NEK11: variants seen among roughly 807,000 people sequenced by gnomAD.
NEK11 encodes the protein serine/threonine-protein kinase Nek11.
A neutral mutation model predicts 80.7 loss-of-function variants in NEK11; 72 were observed. That is an observed-to-expected ratio of 0.89 (90% CI 0.74 to 1.08). NEK11 has a LOEUF of 1.08. NEK11 is among the 50% of genes least tolerant of loss of function. NEK11 has a pLI of 0.00. For synonymous variants in NEK11, 251 were observed against 260.7 expected, an observed-to-expected ratio of 0.96 and a Z score of 0.36; for missense variants, 764 against 763.6, an observed-to-expected ratio of 1.00 and a Z score of -0.01.
intron 16 of NEK11, among the ~76,000 whole-genome samples, chr3:131,247,041 G>T (rs1561183098): frequency 6.6e-6 from 1 of 152,042 alleles, no homozygotes; most frequent in East Asian, 1.9e-4. Context: ...TGTATAGATT[G>T]TAAAGGTTTT....
intron 14 of NEK11, among the ~76,000 whole-genome samples, chr3:131,199,859 CAG>C (rs1203403742): frequency 6.6e-6 from 1 of 151,936 alleles, no homozygotes; most frequent in Non-Finnish European, 1.5e-5. Context: ...AGAGTAAAAA[CAG>C]GGAATTACAG....
intron 15 of NEK11, among the ~76,000 whole-genome samples, chr3:131,234,872 A>C (rs1454348135): frequency 6.6e-6 from 1 of 151,226 alleles, no homozygotes; most frequent in Non-Finnish European, 1.5e-5. Flanking sequence ...CAGGGGGTAC[A>C]TGCGTGAGTT....
At chr3:131,142,693 C>G (rs1184362986) in intron 7 of NEK11, among the ~76,000 whole-genome samples, 1 of 152,172 alleles carries the variant, frequency 6.6e-6, no homozygotes, top group East Asian at 1.9e-4. Flanking sequence ...TAACTGTGAC[C>G]TTAAGAATAG....
chr3:131,182,322 T>G (rs1312300428), intron 14 of NEK11, among the ~76,000 whole-genome samples: 1 of 152,184 alleles, frequency 6.6e-6, no homozygotes, highest in Non-Finnish European at 1.5e-5. Flanking sequence ...GATCGTTGCA[T>G]TTCATAATAG....
chr3:131,296,788 G>T (rs753979476), intron 17 of NEK11, among the ~76,000 whole-genome samples: 102 of 152,048 alleles, frequency 6.7e-4, no homozygotes, highest in Admixed American at 4.1e-3. Context: ...ATTAGGTATA[G>T]CTCCTAATGC....
chr3:131,113,846 G>T (rs537777718), intron 5 of NEK11, among the ~76,000 whole-genome samples: 12 of 150,734 alleles, frequency 8.0e-5, no homozygotes, highest in Admixed American at 4.6e-4. Context: ...GGGAGGTGGA[G>T]GTTGCAGTGA....
chr3:131,285,850 G>A (rs2096463906), intron 17 of NEK11, among the ~76,000 whole-genome samples: 1 of 152,176 alleles, frequency 6.6e-6, no homozygotes, highest in Non-Finnish European at 1.5e-5. Flanking sequence ...CAGTAATGAT[G>A]GGAAGCATCA....
At chr3:131,172,520 T>C (rs2092755898) in intron 14 of NEK11, among the ~76,000 whole-genome samples, 1 of 152,230 alleles carries the variant, frequency 6.6e-6, no homozygotes, top group South Asian at 2.1e-4. Flanking sequence ...ATGGAAGCCA[T>C]CTTGTAACAG....
At chr3:131,287,036 G>A (rs888397661) in intron 17 of NEK11, among the ~76,000 whole-genome samples, 12 of 152,140 alleles carry the variant, frequency 7.9e-5, no homozygotes, top group African/African-American at 2.9e-4. Flanking sequence ...GAATATTAGA[G>A]CCCTAGTATT....
intron 14 of NEK11, among the ~76,000 whole-genome samples, chr3:131,224,531 C>T (rs945604806): frequency 1.3e-5 from 2 of 152,072 alleles, no homozygotes; most frequent in African/African-American, 4.8e-5. Context: ...GCCTGGCTTG[C>T]TATACTTTTT....
chr3:131,263,528 T>G (rs2095976457), intron 16 of NEK11, among the ~76,000 whole-genome samples: 2 of 152,148 alleles, frequency 1.3e-5, no homozygotes, highest in African/African-American at 4.8e-5. Context: ...TCTTTTGGCT[T>G]AGGATTGTCT....
chr3:131,027,659 G>A (rs912385572), intron 1 of NEK11: 1 of 152,060 alleles, frequency 6.6e-6, no homozygotes, highest in Non-Finnish European at 1.5e-5. Context: ...TGAACAGATA[G>A]TTCTAGAATC....
intron 3 of NEK11, chr3:131,053,283 G>A (rs913057453): frequency 1.3e-5 from 2 of 152,162 alleles, no homozygotes; most frequent in African/African-American, 2.4e-5. Context: ...ATTCAAGGTC[G>A]AAAATGTCTT....
chr3:131,203,580 A>T (rs922191905), intron 14 of NEK11, among the ~76,000 whole-genome samples: 7 of 139,084 alleles, frequency 5.0e-5, no homozygotes, highest in Admixed American at 7.2e-5. Context: ...AAAGTATAAT[A>T]AAAAAAAAAA....
chr3:131,027,816 C>A (rs894650012), intron 1 of NEK11, 114 bp from the exon 2 acceptor site: 7 of 151,860 alleles, frequency 4.6e-5, no homozygotes, highest in African/African-American at 1.2e-4. Flanking sequence ...GAGTCTTCTG[C>A]AGCCTGGACC....
intron 3 of NEK11, among the ~76,000 whole-genome samples, chr3:131,041,966 G>C (rs2066558986): frequency 6.6e-6 from 1 of 152,154 alleles, no homozygotes; most frequent in South Asian, 2.1e-4. Flanking sequence ...CAGAAGGAGG[G>C]TGGGGCGTCA....
At chr3:131,077,993 G>A (rs1463180062) in intron 3 of NEK11, among the ~76,000 whole-genome samples, 2 of 152,216 alleles carry the variant, frequency 1.3e-5, no homozygotes, top group Non-Finnish European at 2.9e-5. Flanking sequence ...GGGGAAGGAA[G>A]ACAAGTGTTC....
rs771710364 is a variant in NEK11 at position 131,054,112 on chromosome 3, A to G, written c.170+24234A>G. ...ATGCCTGTAATCCCAGCACTTTGGG[A>G]GGCCAAGGCTGGTGGATCGGTTGAA... On this transcript the variant is annotated intron_variant, in intron 3 of 17. Coordinates refer to ENST00000383366, the MANE Select transcript of NEK11 (RefSeq NM_024800.5). Among the ~76,000 whole-genome samples, 192 of 152,326 alleles carry G rather than the reference A, an allele frequency of 1.3e-3. 1 individual carries two copies. Among genetic ancestry groups the G allele is most frequent in the Non-Finnish European group, 2.3e-3 (156 of 68,026 alleles).
At chr3:131,291,027 T>G (rs2096538397) in intron 17 of NEK11, among the ~76,000 whole-genome samples, 1 of 152,196 alleles carries the variant, frequency 6.6e-6, no homozygotes. Flanking sequence ...TATAATGTCA[T>G]GTATCCATCA....
Sources: gnomAD v4.1 joint callset for allele counts (sites outside exome capture counted in the v4.1 genomes callset) on GRCh38, gnomAD v4.1.1 for gene constraint, MANE v1.5 for transcripts, NCBI Gene and HGNC (gene_info 2026-07-23, HGNC 2026-07-21) for gene names.